Variants in IRS1 observed in about 807,000 individuals in gnomAD.
IRS1 encodes insulin receptor substrate 1.
In IRS1, 34 loss-of-function variants were observed where a neutral mutation model predicts 65.6. The ratio of observed to expected loss-of-function variants is 0.52; its 90% CI spans 0.39 to 0.69. The LOEUF (loss-of-function observed/expected upper bound fraction) is 0.69. Ranked by LOEUF, IRS1 falls within the 30% of genes least tolerant of loss-of-function variation. IRS1 has a pLI of 0.00. For missense variants in IRS1, 1,641 were observed against 1,720.2 expected, an observed-to-expected ratio of 0.95 and a Z score of 0.81; for synonymous variants, 699 against 683.5, an observed-to-expected ratio of 1.02 and a Z score of -0.35.
chr2:226,781,289 T>C (rs182828388), intron 1 of IRS1, among the ~76,000 whole-genome samples: 38 of 152,304 alleles, frequency 2.5e-4, no homozygotes, highest in Admixed American at 2.3e-3. Flanking sequence ...AAGAGAGTTG[T>C]TCCTAAACAA....
intron 1 of IRS1, among the ~76,000 whole-genome samples, chr2:226,741,741 AAC>A (rs895062388): frequency 6.7e-6 from 1 of 149,650 alleles, no homozygotes; most frequent in African/African-American, 2.5e-5. Flanking sequence ...AGCACCTTAC[AAC>A]ACACACATTC....
Position 226,795,742 on chromosome 2 carries a change from C to G in IRS1, c.2997G>C (p.Gln999His), listed in dbSNP as rs747866903. ...CAGCTGGCGAGGTGTCCACGTAGCT[C>G]TGACGGGGACAACTCATCTGCATGG... is the stretch of plus-strand genomic sequence containing the variant. Reference protein sequence around the residue: ...YMTMQMSCPRQSYVDTSPAAP... With the variant: ...YMTMQMSCPRHSYVDTSPAAP... Residue 999 changes from glutamine (Q) to histidine (H), a missense_variant, in exon 1 of 2, where the codon CAG (glutamine) becomes CAC (histidine). Physicochemically the swap from Gln to His is conservative, Grantham distance 24 (BLOSUM62 0). Coordinates refer to ENST00000305123, the MANE Select transcript of IRS1 (RefSeq NM_005544.3). 4 of 1,613,418 alleles carry G rather than the reference C, an allele frequency of 2.5e-6. No homozygotes were observed. Among genetic ancestry groups the G allele is most frequent in the Non-Finnish European group, 3.4e-6 (4 of 1,180,024 alleles).
intron 1 of IRS1, among the ~76,000 whole-genome samples, chr2:226,785,400 T>G (rs57211760): frequency 2.6e-5 from 4 of 151,994 alleles, no homozygotes; most frequent in African/African-American, 9.7e-5. Context: ...GTCAGGAGTC[T>G]GAGACCAGTT....
intron 1 of IRS1, among the ~76,000 whole-genome samples, chr2:226,784,508 T>C (rs1253732484): frequency 6.6e-6 from 1 of 152,198 alleles, no homozygotes; most frequent in African/African-American, 2.4e-5. Context: ...CTGCAATCTC[T>C]GCCTGTCAGG....
rs749150290 is a variant in IRS1 at position 226,799,027 on chromosome 2, C to T, written c.-289G>A. On this transcript the variant is annotated 5_prime_UTR_variant, in exon 1 of 2. Transcript: ENST00000305123. The surrounding 1 kb of genome is among the most constrained non-coding windows in gnomAD (Gnocchi z 6.1). ...CCCCGATCCTCCGAGAGCCAAGTCTCCTCTCAGCCGCCGCCGCCACCAGGA... is the reference window on the plus strand; with the variant it reads ...CCCCGATCCTCCGAGAGCCAAGTCTTCTCTCAGCCGCCGCCGCCACCAGGA... 2.1e-4 allele frequency: 286 copies of T among 1,389,026 alleles called. No individual in the cohort carries two copies. The highest frequency in any genetic ancestry group is 2.5e-4 in the Non-Finnish European group (269 of 1,064,762). The allele number at this position is 1,389,026 out of a possible 1,614,324, so 86.0% of individuals were successfully genotyped here.
Position 226,798,507 on chromosome 2 carries a change from AG to A in IRS1, c.231del (p.Ser78ProfsTer72). 6.2e-7 allele frequency: 1 copy of A among 1,614,000 alleles called. No homozygotes were observed. The highest frequency in any genetic ancestry group is 8.5e-7 in the Non-Finnish European group (1 of 1,180,010). ...ESCFNINKRA[D>X]SKNKHLVALY... The stretch of plus-strand genomic sequence containing the variant: ...AGAGCCACCAGGTGCTTGTTCTTGG[AG>A]TCAGCCCGCTTGTTGATGTTGAAGC... On this transcript the variant is annotated frameshift_variant, in exon 1 of 2. Transcript: ENST00000305123. LOFTEE classifies it high-confidence loss of function. This position sits in a 1 kb window ranked among gnomAD's most constrained non-coding sequence, Gnocchi z 9.4.
chr2:226,775,600 G>A (rs1163985153), intron 1 of IRS1, among the ~76,000 whole-genome samples: 2 of 152,194 alleles, frequency 1.3e-5, no homozygotes, highest in Non-Finnish European at 2.9e-5. Flanking sequence ...TCTGTCAGCT[G>A]AGAAGGCAAA....
At position 226,781,865 on chromosome 2, in the gene IRS1, T is replaced by TACACACAC. The variant is rs34695433; in HGVS notation, c.*21+13116_*21+13123dup. On this transcript the variant is annotated intron_variant, in intron 1 of 1. Transcript: ENST00000305123. ...CCTTGCCCTCCTCCTCACCCCTAAA[T>TACACACAC]ACACACACACACACACACACACACA... Among the ~76,000 whole-genome samples, 870 of 131,574 alleles carry TACACACAC rather than the reference T, an allele frequency of 6.6e-3. 7 individuals are homozygous for TACACACAC. The highest frequency in any genetic ancestry group is 0.024 in the East Asian group (111 of 4,552). The allele number at this position is 131,574 out of a possible 152,430, so 86.3% of individuals were successfully genotyped here.
chr2:226,788,166 G>C (rs1005600898), intron 1 of IRS1, among the ~76,000 whole-genome samples: 1 of 152,126 alleles, frequency 6.6e-6, no homozygotes, highest in Non-Finnish European at 1.5e-5. Context: ...AATAAAAGTG[G>C]AGTGCAAGGA....
At position 226,734,755 on chromosome 2, in the gene IRS1, C is replaced by A. The variant is rs1355294059; in HGVS notation, c.*1517G>T. ...AGATTTAAAAATCTGTCGGCAATAT[C>A]TTTAAATGCATTCATTGCCATTTGT... On this transcript the variant is annotated 3_prime_UTR_variant, in exon 2 of 2. Transcript: ENST00000305123. 1.3e-5 allele frequency: 2 copies of A among 152,198 alleles called. No individual in the cohort carries two copies. The highest frequency in any genetic ancestry group is 4.8e-5 in the African/African-American group (2 of 41,454). The allele number at this position is 152,198 out of a possible 1,614,324, so 9.4% of individuals were successfully genotyped here.
Position 226,732,126 on chromosome 2 carries a change from G to T in IRS1, c.*4146C>A, listed in dbSNP as rs546788741. The T allele has an allele frequency of 1.3e-5, 2 of 152,072 alleles. No homozygotes were observed. Among genetic ancestry groups the T allele is most frequent in the Admixed American group, 6.5e-5 (1 of 15,268 alleles). The allele number at this position is 152,072 out of a possible 1,614,324, so 9.4% of individuals were successfully genotyped here. A position where few individuals can be genotyped will look rare whatever the true frequency, so the allele number is the denominator to read the frequency against. On this transcript the variant is annotated 3_prime_UTR_variant, in exon 2 of 2. Coordinates refer to ENST00000305123, the MANE Select transcript of IRS1 (RefSeq NM_005544.3). ...ATTCATAATTAATTCCTCGAGTAGG[G>T]TTAAGCACCTCCAATATCATTCCAC... is the stretch of plus-strand genomic sequence containing the variant.
In IRS1 at chr2:226,799,173, CCCCTCTGGAAGCAGCGATT is replaced by C. The variant is rs1939836032; in HGVS notation, c.-454_-436del. On this transcript the variant is annotated 5_prime_UTR_variant, in exon 1 of 2. The change abolishes the stop of an existing upstream ORF in the 5' untranslated region. Transcript: ENST00000305123. This position sits in a 1 kb window ranked among gnomAD's most constrained non-coding sequence, Gnocchi z 6.1. ...GCGCGCGCGCCTTCCCTCCTGAGTT[CCCCTCTGGAAGCAGCGATT>C]CCCGAGGCAAATTAAATATCCTTGG... is the stretch of plus-strand genomic sequence containing the variant. 9.0e-6 allele frequency: 10 copies of C among 1,107,598 alleles called. No individual in the cohort carries two copies. The highest frequency in any genetic ancestry group is 1.0e-5 in the Non-Finnish European group (9 of 894,812). 68.6% of individuals were successfully genotyped at this position (1,107,598 alleles called of 1,614,324 possible).
chr2:226,765,196 C>T (rs989158634), intron 1 of IRS1, among the ~76,000 whole-genome samples: 2 of 152,184 alleles, frequency 1.3e-5, no homozygotes, highest in African/African-American at 2.4e-5. Context: ...CTTAGCCTTA[C>T]GAGTAGTTGG....
intron 1 of IRS1, among the ~76,000 whole-genome samples, chr2:226,762,886 T>C (rs1938946007): frequency 6.6e-6 from 1 of 152,130 alleles, no homozygotes; most frequent in African/African-American, 2.4e-5. Flanking sequence ...ACCTTTCCAA[T>C]GGAAGGAATC....
At chr2:226,758,790 A>T (rs1938854322) in intron 1 of IRS1, among the ~76,000 whole-genome samples, 1 of 152,146 alleles carries the variant, frequency 6.6e-6, no homozygotes, top group Non-Finnish European at 1.5e-5. Context: ...AAATGATTGG[A>T]TGCTAATGGA....
intron 1 of IRS1, among the ~76,000 whole-genome samples, chr2:226,751,640 G>A (rs1265349624): frequency 6.6e-6 from 1 of 152,168 alleles, no homozygotes; most frequent in East Asian, 1.9e-4. Flanking sequence ...AGGGCCCAGT[G>A]ACAGAGGCAG....
chr2:226,762,212 C>T (rs1361054329), intron 1 of IRS1, among the ~76,000 whole-genome samples: 1 of 152,142 alleles, frequency 6.6e-6, no homozygotes, highest in Non-Finnish European at 1.5e-5. Flanking sequence ...TATCACTATT[C>T]AGGGGTGGCA....
chr2:226,761,423 G>A (rs889163219), intron 1 of IRS1, among the ~76,000 whole-genome samples: 3 of 151,968 alleles, frequency 2.0e-5, no homozygotes, highest in African/African-American at 2.4e-5. Flanking sequence ...GGTGACTGCC[G>A]GGTTTATTGT....
In IRS1 at chr2:226,770,483, C is replaced by T. The variant is rs184772167; in HGVS notation, c.*21+24506G>A. ...GAACATAAGCTCAGAAGTGTGGAAACGAAGTCTTATTCCTAGCCCTATTCC... is the reference window on the plus strand; with the variant it reads ...GAACATAAGCTCAGAAGTGTGGAAATGAAGTCTTATTCCTAGCCCTATTCC... On this transcript the variant is annotated intron_variant, in intron 1 of 1. Transcript: ENST00000305123. 2.2e-4 allele frequency among the ~76,000 whole-genome samples: 33 copies of T among 152,278 alleles called. 1 individual carries two copies. Among genetic ancestry groups the T allele is most frequent in the Admixed American group, 1.4e-3 (22 of 15,286 alleles).
Sources: gnomAD v4.1 joint callset for allele counts (sites outside exome capture counted in the v4.1 genomes callset) on GRCh38, gnomAD v4.1.1 for gene constraint, Gnocchi (gnomAD v3.1) non-coding constraint, MANE v1.5 for transcripts, NCBI Gene and HGNC (gene_info 2026-07-23, HGNC 2026-07-21) for gene names.